The following MCTP1 variants were observed in gnomAD, a reference collection of about 807,000 sequenced individuals.
MCTP1 encodes the protein multiple C2 and transmembrane domain containing 1.
MCTP1 carries 69 observed loss-of-function variants against 120.6 expected under a neutral mutation model. That is an observed-to-expected ratio of 0.57 (90% CI 0.47 to 0.70). The LOEUF is 0.70. Ranked by LOEUF, MCTP1 falls within the 30% of genes least tolerant of loss-of-function variation. The probability of loss-of-function intolerance (pLI) is 0.00; values close to 1 mark genes in which losing one functional copy is unlikely to be tolerated. For synonymous variants in MCTP1, 529 were observed against 493.1 expected (o/e 1.07, Z -0.96); for missense variants, 1,203 against 1,248.8 (o/e 0.96, Z 0.55).
At chr5:95,150,757 C>CTGTATAT (rs1760820023) in intron 1 of MCTP1, among the ~76,000 whole-genome samples, 1 of 151,892 alleles carries the variant, frequency 6.6e-6, no homozygotes, top group Admixed American at 6.6e-5. Flanking sequence ...AAAATGTTAC[C>CTGTATAT]ACAGAAAGAA....
intron 1 of MCTP1, among the ~76,000 whole-genome samples, chr5:95,261,731 A>G (rs1319230563): frequency 6.6e-6 from 1 of 152,250 alleles, no homozygotes; most frequent in African/African-American, 2.4e-5. Context: ...AAATTCAACA[A>G]TGATGTCAAT....
chr5:94,943,091 G>A (rs1435864645), intron 3 of MCTP1, among the ~76,000 whole-genome samples: 1 of 152,040 alleles, frequency 6.6e-6, no homozygotes, highest in African/African-American at 2.4e-5. Flanking sequence ...GTAAGACAAT[G>A]TCTCTGACCT....
chr5:94,831,381 CTA>C (rs1304755431), intron 17 of MCTP1, among the ~76,000 whole-genome samples: 2 of 152,200 alleles, frequency 1.3e-5, no homozygotes, highest in Non-Finnish European at 2.9e-5. Context: ...CAAACCACTG[CTA>C]TATGTTTCCA....
chr5:95,284,682 C>T lies in MCTP1; in HGVS notation c.-107G>A, dbSNP rs566449607. On this transcript the variant is annotated 5_prime_UTR_variant, in exon 1 of 23. Coordinates refer to ENST00000515393, the MANE Select transcript of MCTP1 (RefSeq NM_024717.7). The surrounding 1 kb of genome is among the most constrained non-coding windows in gnomAD (Gnocchi z 5.2). ...CGGGTCCCCGCGGCGCTGGCGGTGG[C>T]GGCGGCGGCGGCGGCGGGCGCAGCA... The T allele has an allele frequency of 5.7e-5, 33 of 578,050 alleles. No homozygotes were observed. The highest frequency in any genetic ancestry group is 7.2e-5 in the Non-Finnish European group (30 of 418,388). 35.8% of individuals were successfully genotyped at this position (578,050 alleles called of 1,614,324 possible).
chr5:95,121,136 G>A (rs1399686724), intron 1 of MCTP1, among the ~76,000 whole-genome samples: 1 of 151,916 alleles, frequency 6.6e-6, no homozygotes, highest in African/African-American at 2.4e-5. Flanking sequence ...AAATTAGCCT[G>A]GTGCGGTGGC....
At chr5:95,090,199 A>G (rs944319242) in intron 1 of MCTP1, among the ~76,000 whole-genome samples, 3 of 152,224 alleles carry the variant, frequency 2.0e-5, no homozygotes, top group Non-Finnish European at 1.5e-5. Flanking sequence ...TGTGTTTGTT[A>G]TTACCATCAA....
chr5:94,798,617 A>T (rs1452774163), intron 18 of MCTP1, among the ~76,000 whole-genome samples: 2 of 152,150 alleles, frequency 1.3e-5, no homozygotes, highest in African/African-American at 2.4e-5. Flanking sequence ...AGCACAAAGA[A>T]TCTATCTGTC....
chr5:95,202,880 G>A (rs1056280679), intron 1 of MCTP1, among the ~76,000 whole-genome samples: 10 of 151,872 alleles, frequency 6.6e-5, no homozygotes, highest in African/African-American at 1.2e-4. Flanking sequence ...GGTGAGTGCC[G>A]CCAGACCCAA....
intron 2 of MCTP1, among the ~76,000 whole-genome samples, chr5:94,988,388 A>G (rs982695885): frequency 6.6e-6 from 1 of 152,106 alleles, no homozygotes; most frequent in African/African-American, 2.4e-5. Context: ...AATCTTCCCT[A>G]ATATCTCCAT....
intron 17 of MCTP1, among the ~76,000 whole-genome samples, chr5:94,846,615 C>T (rs1453275727): frequency 1.3e-5 from 2 of 152,050 alleles, no homozygotes; most frequent in African/African-American, 4.8e-5. Flanking sequence ...ATGCAGTTTA[C>T]CTATAATAAC....
chr5:95,022,806 A>G (rs1838458754), intron 1 of MCTP1, among the ~76,000 whole-genome samples: 1 of 152,184 alleles, frequency 6.6e-6, no homozygotes, highest in African/African-American at 2.4e-5. Context: ...TTAGCACTTA[A>G]AATGAAACCC....
At chr5:94,928,209 AACACACACACACACAC>A (rs60502360) in intron 6 of MCTP1, among the ~76,000 whole-genome samples, 2 of 148,434 alleles carry the variant, frequency 1.3e-5, no homozygotes, top group Admixed American at 6.7e-5. Context: ...TCTAGGTTAA[AACACACACACACACAC>A]ACACACACAC....
chr5:94,966,689 G>A (rs926970251), intron 2 of MCTP1, among the ~76,000 whole-genome samples: 3 of 152,096 alleles, frequency 2.0e-5, no homozygotes, highest in African/African-American at 7.2e-5. Flanking sequence ...CAGCTACTCA[G>A]GAGGCTGAGG....
At chr5:94,962,049 A>G (rs965260463) in intron 2 of MCTP1, among the ~76,000 whole-genome samples, 3 of 152,144 alleles carry the variant, frequency 2.0e-5, no homozygotes, top group African/African-American at 4.8e-5. Context: ...AAAATGGTCA[A>G]CGTCACTAAT....
intron 1 of MCTP1, among the ~76,000 whole-genome samples, chr5:95,210,815 G>A (rs1168163494): frequency 2.0e-5 from 3 of 152,056 alleles, no homozygotes; most frequent in South Asian, 2.1e-4. Flanking sequence ...GCTGGTACCG[G>A]TTGTTCCTTT....
At chr5:94,821,406 C>T (rs1382980483) in intron 17 of MCTP1, among the ~76,000 whole-genome samples, 8 of 152,074 alleles carry the variant, frequency 5.3e-5, no homozygotes, top group Non-Finnish European at 8.8e-5. Context: ...AACACAGATT[C>T]GACATTTTGA....
chr5:95,284,559 G>C lies in MCTP1; in HGVS notation c.17C>G (p.Ala6Gly). 1 of 1,440,496 alleles carries C rather than the reference G, an allele frequency of 6.9e-7. No individual in the cohort carries two copies. Among genetic ancestry groups the C allele is most frequent in the Non-Finnish European group, 9.0e-7 (1 of 1,109,934 alleles). The allele number at this position is 1,440,496 out of a possible 1,614,324, so 89.2% of individuals were successfully genotyped here. A position where few individuals can be genotyped will look rare whatever the true frequency, so the allele number is the denominator to read the frequency against. ...CGGCGGCTCTGGCTCGCCCGCCGCGGCAGCCCGGGGCTCCATCCTCCACCC... is the reference window on the plus strand; with the variant it reads ...CGGCGGCTCTGGCTCGCCCGCCGCGCCAGCCCGGGGCTCCATCCTCCACCC... MEPRAAAAGEPEPPAA... is the reference protein window; with the variant it reads MEPRAGAAGEPEPPAA... Residue 6 changes from alanine (A) to glycine (G), a missense_variant, in exon 1 of 23, where the codon GCC becomes GGC. Physicochemically the swap from Ala to Gly is moderately conservative, Grantham distance 60 (BLOSUM62 0). Transcript: ENST00000515393. This position sits in a 1 kb window ranked among gnomAD's most constrained non-coding sequence, Gnocchi z 5.2.
chr5:94,924,205 A>G (rs1236765979), intron 6 of MCTP1, among the ~76,000 whole-genome samples, 184 bp from the exon 7 acceptor site: 1 of 152,102 alleles, frequency 6.6e-6, no homozygotes, highest in Non-Finnish European at 1.5e-5. Flanking sequence ...TGTGGTAGTA[A>G]AGTTTAGAGA....
chr5:95,191,725 C>A (rs1056046790), intron 1 of MCTP1, among the ~76,000 whole-genome samples: 65 of 152,074 alleles, frequency 4.3e-4, no homozygotes, highest in African/African-American at 1.5e-3. Context: ...TGCATTTCAA[C>A]TAAGAATATA....
Sources: allele counts gnomAD v4.1 joint callset (sites outside exome capture counted in the v4.1 genomes callset), GRCh38; gene constraint gnomAD v4.1.1; non-coding constraint Gnocchi (gnomAD v3.1); transcripts MANE v1.5; gene names NCBI Gene and HGNC (gene_info 2026-07-23, HGNC 2026-07-21).